EML6: variants seen among roughly 807,000 people sequenced by gnomAD.
The protein encoded by EML6 is EMAP like 6, also known as echinoderm microtubule-associated protein-like 6.
Under a neutral mutation model 240.1 loss-of-function variants are expected in EML6, and 154 were observed. The observed-to-expected ratio is 0.64, with a 90% CI of 0.56 to 0.73. The LOEUF (loss-of-function observed/expected upper bound fraction) is 0.73. EML6 is among the 30% of genes least tolerant of loss of function. EML6 has a pLI of 0.00. For synonymous variants in EML6, 1,148 were observed against 899.0 expected, an observed-to-expected ratio of 1.28 and a Z score of -4.95; for missense variants, 2,964 against 2,474.6, an observed-to-expected ratio of 1.20 and a Z score of -4.20.
intron 2 of EML6, among the ~76,000 whole-genome samples, chr2:54,808,540 CA>C (rs1363606069): frequency 1.3e-5 from 2 of 149,998 alleles, no homozygotes; most frequent in Non-Finnish European, 3.0e-5. Flanking sequence ...AAAACAAAAA[CA>C]AAAAAAACTA....
intron 2 of EML6, among the ~76,000 whole-genome samples, chr2:54,800,546 C>G (rs950255241): frequency 4.1e-4 from 62 of 152,060 alleles, no homozygotes; most frequent in Admixed American, 3.5e-3. Flanking sequence ...TTTCCCAAAA[C>G]AAGCATGAAT....
chr2:54,837,386 T>C (rs2103620519), intron 7 of EML6, among the ~76,000 whole-genome samples: 1 of 152,280 alleles, frequency 6.6e-6, no homozygotes, highest in Non-Finnish European at 1.5e-5. Context: ...GTTCAGCACG[T>C]ATTTACTAGC....
At chr2:54,920,390 C>G (rs758549577) in intron 26 of EML6, among the ~76,000 whole-genome samples, 26 of 151,996 alleles carry the variant, frequency 1.7e-4, no homozygotes, top group Non-Finnish European at 3.5e-4. Context: ...CAATTACATG[C>G]CAACAAATTG....
At position 54,961,184 on chromosome 2, in the gene EML6, G is replaced by GTTTTTTTTTTTTTTTTTTT. The variant is rs575621987; in HGVS notation, c.4968+851_4968+869dup. ...GGAGCCTGGAAGTTATCAGGAAGTA[G>GTTTTTTTTTTTTTTTTTTT]TTTTTTTTTTTTTTTTTTTGAGACG... On this transcript the variant is annotated intron_variant, in intron 35 of 41. Coordinates refer to ENST00000356458, the MANE Select transcript of EML6 (RefSeq NM_001039753.4). Among the ~76,000 whole-genome samples, 20 of 55,408 alleles carry GTTTTTTTTTTTTTTTTTTT rather than the reference G, an allele frequency of 3.6e-4. 1 individual carries two copies. The highest frequency in any genetic ancestry group is 1.2e-3 in the African/African-American group (15 of 12,370). The allele number at this position is 55,408 out of a possible 152,430, so 36.3% of individuals were successfully genotyped here. A position where few individuals can be genotyped will look rare whatever the true frequency, so the allele number is the denominator to read the frequency against.
intron 28 of EML6, among the ~76,000 whole-genome samples, chr2:54,944,860 C>G (rs1675599342): frequency 6.6e-6 from 1 of 151,974 alleles, no homozygotes; most frequent in Non-Finnish European, 1.5e-5. Flanking sequence ...CTGAAGAATG[C>G]ACTTGACACA....
At chr2:54,809,852 C>T (rs143742140) in intron 2 of EML6, among the ~76,000 whole-genome samples, 13 of 152,170 alleles carry the variant, frequency 8.5e-5, no homozygotes, top group African/African-American at 3.1e-4. Flanking sequence ...AAGTAAATGC[C>T]ATTTGGCTGT....
At chr2:54,962,464 C>T (rs1676563499) in intron 35 of EML6, 59 bp from the exon 36 acceptor site, 2 of 1,300,270 alleles carry the variant, frequency 1.5e-6, no homozygotes, top group Admixed American at 4.9e-5. Flanking sequence ...CTAGATACCT[C>T]ATATGAGTGC....
At chr2:54,862,752 T>G (rs1314379184) in intron 12 of EML6, among the ~76,000 whole-genome samples, 3 of 152,164 alleles carry the variant, frequency 2.0e-5, no homozygotes, top group Non-Finnish European at 4.4e-5. Context: ...CAGAGCATTA[T>G]AAGTAGTCAG....
chr2:54,920,009 A>G (rs1021388154), intron 26 of EML6, among the ~76,000 whole-genome samples: 4 of 152,236 alleles, frequency 2.6e-5, no homozygotes, highest in Non-Finnish European at 5.9e-5. Flanking sequence ...AGAATAATAT[A>G]GTGAACTAAT....
At chr2:54,835,698 C>G (rs149804721) in intron 7 of EML6, among the ~76,000 whole-genome samples, 182 of 152,258 alleles carry the variant, frequency 1.2e-3, no homozygotes, top group African/African-American at 4.1e-3. Flanking sequence ...TCTAGCAGCT[C>G]TCAACCAGGA....
intron 8 of EML6, among the ~76,000 whole-genome samples, chr2:54,846,725 C>T (rs1669778976): frequency 6.6e-6 from 1 of 152,076 alleles, no homozygotes; most frequent in African/African-American, 2.4e-5. Flanking sequence ...CTCAAGCAAT[C>T]TTCCTGCCTT....
chr2:54,869,291 G>C lies in EML6; in HGVS notation c.2162G>C (p.Arg721Thr). The change falls in exon 15 of 42, where the codon AGG (arginine) becomes ACG (threonine). Residue 721 changes from arginine to threonine, a missense_variant. Transcript: ENST00000356458. ...TATAATCGGCAGCAGCACTCCCAGA[G>C]GCTGTACCTGGGGCACGATGACGAC... ...VVYNRQQHSQ[R>T]LYLGHDDDIL... is the part of the protein sequence containing the mutation. 6.4e-7 allele frequency: 1 copy of C among 1,551,690 alleles called. No homozygotes were observed. The highest frequency in any genetic ancestry group is 8.7e-7 in the Non-Finnish European group (1 of 1,146,930).
At chr2:54,905,346 ACACACACACAC>A (rs1673270116) in intron 24 of EML6, among the ~76,000 whole-genome samples, 1 of 149,292 alleles carries the variant, frequency 6.7e-6, no homozygotes, top group Non-Finnish European at 1.5e-5. Flanking sequence ...ACACACACAC[ACACACACACAC>A]ACACACACAC....
intron 26 of EML6, among the ~76,000 whole-genome samples, chr2:54,918,957 C>G (rs1427668131): frequency 6.6e-6 from 1 of 152,216 alleles, no homozygotes; most frequent in Non-Finnish European, 1.5e-5. Flanking sequence ...CCAGGGATTA[C>G]ATTACCTCAT....
intron 2 of EML6, among the ~76,000 whole-genome samples, chr2:54,777,234 TG>T (rs1018813392): frequency 3.3e-5 from 5 of 152,068 alleles, no homozygotes; most frequent in Admixed American, 1.3e-4. Context: ...TGGAGCCAAA[TG>T]CCTTCTCACT....
intron 16 of EML6, among the ~76,000 whole-genome samples, chr2:54,876,937 T>A (rs993562501): frequency 1.3e-5 from 2 of 152,068 alleles, no homozygotes; most frequent in South Asian, 2.1e-4. Context: ...AACTTACTCT[T>A]CCTAACTGTA....
At chr2:54,790,755 A>T (rs3932860) in intron 2 of EML6, among the ~76,000 whole-genome samples, 17,070 of 130,858 alleles carry the variant, frequency 0.13, 1,577 homozygotes, top group East Asian at 0.34. Context: ...AGACGGAGTT[A>T]CGCTCTGTCG....
chr2:54,936,206 G>A lies in EML6; in HGVS notation c.4004+7455G>A, dbSNP rs573589104. Among the ~76,000 whole-genome samples the A allele has an allele frequency of 1.1e-4, 16 of 152,268 alleles. No homozygotes were observed. The East Asian group carries it at 3.1e-3, about 29-fold the overall frequency. On this transcript the variant is annotated intron_variant, in intron 28 of 41. Coordinates refer to ENST00000356458, the MANE Select transcript of EML6 (RefSeq NM_001039753.4). ...TGTGGCTTCAGTTTTGTATACTGTG[G>A]TAACTACACGATCACAAAGGAACAT...
At chr2:54,788,842 A>G (rs965969279) in intron 2 of EML6, among the ~76,000 whole-genome samples, 1 of 152,182 alleles carries the variant, frequency 6.6e-6, no homozygotes, top group African/African-American at 2.4e-5. Flanking sequence ...TTTAAAATAC[A>G]TGTTTCATTT....
Sources: gnomAD v4.1 joint callset for allele counts (sites outside exome capture counted in the v4.1 genomes callset) on GRCh38, gnomAD v4.1.1 for gene constraint, MANE v1.5 for transcripts, NCBI Gene and HGNC (gene_info 2026-07-23, HGNC 2026-07-21) for gene names.